RESF1: variants seen among roughly 807,000 people sequenced by gnomAD.
RESF1 encodes retroelement silencing factor 1.
RESF1 carries 65 observed loss-of-function variants against 134.7 expected under a neutral mutation model. That is an observed-to-expected ratio of 0.48 (90% CI 0.40 to 0.59). RESF1 has a LOEUF of 0.59. Ranked by LOEUF, RESF1 falls within the 20% of genes least tolerant of loss-of-function variation. The pLI is 0.00. For synonymous variants in RESF1, 762 were observed against 702.2 expected, an observed-to-expected ratio of 1.09 and a Z score of -1.35; for missense variants, 2,274 against 2,002.7, an observed-to-expected ratio of 1.14 and a Z score of -2.59.
Position 31,981,082 on chromosome 12 carries a change from C to A in RESF1, c.127C>A (p.Pro43Thr), listed in dbSNP as rs759065849. The A allele has an allele frequency of 2.5e-6, 4 of 1,614,016 alleles. No individual in the cohort carries two copies. In the African/African-American group the frequency reaches 5.3e-5, roughly 22 times the overall value. The stretch of plus-strand genomic sequence containing the variant: ...AACATCTCAGAGTTCTTTCAGCTAT[C>A]CTGGAAGTAACCAAGAAGCATGCAT... Reference protein sequence around the residue: ...TTTSQSSFSYPGSNQEACMYP... With the variant: ...TTTSQSSFSYTGSNQEACMYP... The change falls in exon 4 of 6, where the codon CCT becomes ACT. Residue 43 changes from proline (P) to threonine (T), a missense_variant. By Grantham distance (38) the Pro-to-Thr change is conservative. Transcript: ENST00000312561.
At chr12:31,979,152 C>T (rs1294549086) in intron 3 of RESF1, among the ~76,000 whole-genome samples, 1 of 152,164 alleles carries the variant, frequency 6.6e-6, no homozygotes, top group Admixed American at 6.5e-5. Context: ...GATCTCCTGA[C>T]CTCATGATCC....
chr12:31,986,175 G>A (rs1175389363), intron 4 of RESF1, among the ~76,000 whole-genome samples: 3 of 152,116 alleles, frequency 2.0e-5, no homozygotes, highest in African/African-American at 4.8e-5. Flanking sequence ...AAAATTGGTC[G>A]TCATGACGAG....
In RESF1 at chr12:31,984,250, G is replaced by C. The variant is rs748244247; in HGVS notation, c.3295G>C (p.Asp1099His). ...TADKTSSDSK[D>H]PADQIQITIL... ...TGATAAAACCAGTTCTGACTCCAAAGACCCAGCAGATCAAATACAAATTAC... is the reference window on the plus strand; with the variant it reads ...TGATAAAACCAGTTCTGACTCCAAACACCCAGCAGATCAAATACAAATTAC... Residue 1099 changes from aspartate to histidine, a missense_variant, in exon 4 of 6, where the codon GAC (aspartate) becomes CAC (histidine). By Grantham distance (81) the Asp-to-His change is moderately conservative. Transcript: ENST00000312561. The C allele has an allele frequency of 2.3e-5, 37 of 1,613,864 alleles. No homozygotes were observed. In the South Asian group the frequency reaches 4.0e-4, roughly 17 times the overall value.
chr12:31,982,423 C>G lies in RESF1; in HGVS notation c.1468C>G (p.Gln490Glu). ...KTQCMLNSDI[Q>E]EVNCRRFNQV... Reference sequence around the variant, plus strand: ...TCAATGTATGTTGAATTCTGACATTCAGGAAGTCAATTGCAGAAGGTTTAA... The same window carrying G: ...TCAATGTATGTTGAATTCTGACATTGAGGAAGTCAATTGCAGAAGGTTTAA... Residue 490 changes from glutamine to glutamate, a missense_variant, in exon 4 of 6, where the codon CAG becomes GAG. Coordinates refer to ENST00000312561, the MANE Select transcript of RESF1 (RefSeq NM_018169.4). 8 of 1,614,016 alleles carry G rather than the reference C, an allele frequency of 5.0e-6. No individual in the cohort carries two copies. Among genetic ancestry groups the G allele is most frequent in the Non-Finnish European group, 6.8e-6 (8 of 1,180,002 alleles).
Position 31,985,563 on chromosome 12 carries a change from TAAAGAA to T in RESF1, c.4613_4618del (p.Glu1538_Lys1539del), listed in dbSNP as rs774578790. ...AAACATACAACATTCTAAGGAATGT[TAAAGAA>T]AAAGTTGGTGGGAAGCAGCCTGATA... On this transcript the variant is annotated inframe_deletion, in exon 4 of 6. Coordinates refer to ENST00000312561, the MANE Select transcript of RESF1 (RefSeq NM_018169.4). The T allele has an allele frequency of 9.4e-6, 15 of 1,597,524 alleles. No homozygotes were observed. Among genetic ancestry groups the T allele is most frequent in the Admixed American group, 7.3e-5 (4 of 54,964 alleles).
intron 3 of RESF1, among the ~76,000 whole-genome samples, chr12:31,976,606 C>G (rs1939639301): frequency 6.6e-6 from 1 of 151,930 alleles, no homozygotes; most frequent in Admixed American, 6.6e-5. Flanking sequence ...TCACTTGAAC[C>G]CAGGAGGCAG....
intron 4 of RESF1, among the ~76,000 whole-genome samples, chr12:31,986,574 A>G (rs1455944548): frequency 6.6e-6 from 1 of 152,236 alleles, no homozygotes; most frequent in African/African-American, 2.4e-5. Context: ...TTTAAAGCCA[A>G]GCTGGCAGCT....
intron 3 of RESF1, among the ~76,000 whole-genome samples, chr12:31,977,445 C>G (rs1312242616): frequency 6.6e-6 from 1 of 152,296 alleles, no homozygotes; most frequent in Non-Finnish European, 1.5e-5. Flanking sequence ...CTCGGCCTCC[C>G]AAAGTGCTGG....
At chr12:31,976,055 A>G (rs1939623470) in intron 3 of RESF1, among the ~76,000 whole-genome samples, 1 of 152,194 alleles carries the variant, frequency 6.6e-6, no homozygotes, top group South Asian at 2.1e-4. Context: ...CCATTGTAGG[A>G]GAGTTCCATT....
Position 31,982,319 on chromosome 12 carries a change from C to T in RESF1, c.1364C>T (p.Pro455Leu). ...CAAACTGCCAAAATCCAGTCTGGAC[C>T]CCAGATAACTCCAGTAATGCCAGAG... ...LKQTAKIQSGPQITPVMPENA... is the reference protein window; with the variant it reads ...LKQTAKIQSGLQITPVMPENA... Residue 455 changes from proline (P) to leucine (L), a missense_variant, in exon 4 of 6, where the codon CCC (proline) becomes CTC (leucine). Transcript: ENST00000312561. The T allele has an allele frequency of 6.2e-7, 1 of 1,614,026 alleles. No individual in the cohort carries two copies. Among genetic ancestry groups the T allele is most frequent in the Non-Finnish European group, 8.5e-7 (1 of 1,180,006 alleles).
rs1304624076 is a variant in RESF1 at position 31,983,487 on chromosome 12, T to A, written c.2532T>A (p.Thr844=). The change falls in exon 4 of 6, where the codon ACT becomes ACA. Residue 844 remains threonine (T), a synonymous_variant. Coordinates refer to ENST00000312561, the MANE Select transcript of RESF1 (RefSeq NM_018169.4). The part of the protein sequence containing the change: ...LTQKEKQNES[T]NGNSEVTPNV... The stretch of plus-strand genomic sequence containing the variant: ...AGAAGGAAAAGCAGAATGAGTCAAC[T>A]AATGGTAATTCAGAAGTCACACCTA... 1 of 1,614,066 alleles carries A rather than the reference T, an allele frequency of 6.2e-7. No individual in the cohort carries two copies. Among genetic ancestry groups the A allele is most frequent in the South Asian group, 1.1e-5 (1 of 91,080 alleles).
intron 1 of RESF1, among the ~76,000 whole-genome samples, chr12:31,960,492 A>G (rs1276620615): frequency 1.3e-5 from 2 of 152,190 alleles, no homozygotes; most frequent in African/African-American, 2.4e-5. Context: ...TCTGTTTAAT[A>G]TTAATCCAAT....
chr12:31,987,409 T>G (rs912032134), intron 5 of RESF1, 87 bp downstream of exon 5: 1 of 764,272 alleles, frequency 1.3e-6, no homozygotes, highest in Non-Finnish European at 2.1e-6. Flanking sequence ...GATTGTAAAG[T>G]ATGATTTTAT....
chr12:31,977,580 G>A (rs1026610134), intron 3 of RESF1, among the ~76,000 whole-genome samples: 1 of 152,018 alleles, frequency 6.6e-6, no homozygotes, highest in Admixed American at 6.6e-5. Context: ...ATTTTCATTC[G>A]TGGCATATAG....
At chr12:31,970,035 T>A (rs1939473341) in intron 2 of RESF1, among the ~76,000 whole-genome samples, 154 bp from the exon 3 acceptor site, 1 of 152,240 alleles carries the variant, frequency 6.6e-6, no homozygotes, top group South Asian at 2.1e-4. Context: ...TAAGCCCAAT[T>A]TACAAATAAA....
chr12:31,966,518 G>A (rs890822084), intron 2 of RESF1, among the ~76,000 whole-genome samples: 1 of 152,204 alleles, frequency 6.6e-6, no homozygotes, highest in Non-Finnish European at 1.5e-5. Flanking sequence ...CTGTTGCATT[G>A]GTCTGAACTT....
chr12:31,981,797 C>G lies in RESF1; in HGVS notation c.842C>G (p.Pro281Arg). 1 of 1,613,798 alleles carries G rather than the reference C, an allele frequency of 6.2e-7. No individual in the cohort carries two copies. Among genetic ancestry groups the G allele is most frequent in the Non-Finnish European group, 8.5e-7 (1 of 1,179,836 alleles). The change falls in exon 4 of 6, where the codon CCT (proline) becomes CGT (arginine). Residue 281 changes from proline (P) to arginine (R), a missense_variant. Physicochemically the swap from Pro to Arg is moderately radical, Grantham distance 103. Coordinates refer to ENST00000312561, the MANE Select transcript of RESF1 (RefSeq NM_018169.4). ...ACTGACAAAAGACCTCCTCCTCCTC[C>G]TTACAACTGTAGATATGGAAGCCAG... ...TQTDKRPPPP[P>R]YNCRYGSQPL...
Position 31,982,864 on chromosome 12 carries a change from A to G in RESF1, c.1909A>G (p.Thr637Ala). 1 of 1,614,028 alleles carries G rather than the reference A, an allele frequency of 6.2e-7. No homozygotes were observed. The highest frequency in any genetic ancestry group is 8.5e-7 in the Non-Finnish European group (1 of 1,179,892). Reference protein sequence around the residue: ...LNLKNMETPSTSNVSGRVLDN... With the variant: ...LNLKNMETPSASNVSGRVLDN... Reference sequence around the variant, plus strand: ...TTTGAAGAACATGGAAACTCCAAGTACTTCTAATGTAAGTGGCAGGGTTTT... The same window carrying G: ...TTTGAAGAACATGGAAACTCCAAGTGCTTCTAATGTAAGTGGCAGGGTTTT... The change falls in exon 4 of 6, where the codon ACT becomes GCT. Residue 637 changes from threonine (T) to alanine (A), a missense_variant. Thr to Ala is a moderately conservative substitution (Grantham distance 58). Transcript: ENST00000312561.
rs1939918971 is a variant in RESF1 at position 31,984,718 on chromosome 12, A to G, written c.3763A>G (p.Ser1255Gly). Residue 1255 changes from serine to glycine, a missense_variant, in exon 4 of 6, where the codon AGT becomes GGT. Coordinates refer to ENST00000312561, the MANE Select transcript of RESF1 (RefSeq NM_018169.4). ...KSHFPELQDDSRKDTPKTKHK... is the reference protein window; with the variant it reads ...KSHFPELQDDGRKDTPKTKHK... Reference sequence around the variant, plus strand: ...TCATTTTCCTGAACTACAAGACGACAGTAGAAAAGATACACCCAAAACAAA... The same window carrying G: ...TCATTTTCCTGAACTACAAGACGACGGTAGAAAAGATACACCCAAAACAAA... The G allele has an allele frequency of 6.2e-7, 1 of 1,602,904 alleles. No individual in the cohort carries two copies. The highest frequency in any genetic ancestry group is 8.5e-7 in the Non-Finnish European group (1 of 1,177,460).
Sources: allele counts gnomAD v4.1 joint callset (sites outside exome capture counted in the v4.1 genomes callset), GRCh38; gene constraint gnomAD v4.1.1; transcripts MANE v1.5; gene names NCBI Gene and HGNC (gene_info 2026-07-23, HGNC 2026-07-21).